The following SPATA7 variants were observed in gnomAD, a reference collection of about 807,000 sequenced individuals.
SPATA7 encodes spermatogenesis-associated protein 7.
SPATA7 carries 43 observed loss-of-function variants against 51.8 expected under a neutral mutation model. That is an observed-to-expected ratio of 0.83 (90% CI 0.65 to 1.07). The LOEUF is 1.07. Among genes scored for constraint, SPATA7 ranks in the 50% least tolerant of loss-of-function variants. The pLI is 0.00. For synonymous variants in SPATA7, 230 were observed against 252.8 expected (o/e 0.91, Z 0.86); for missense variants, 683 against 701.3 (o/e 0.97, Z 0.30).
At chr14:88,444,106 TAA>T (rs1240403994) in intron 3 of SPATA7, among the ~76,000 whole-genome samples, 2 of 151,974 alleles carry the variant, frequency 1.3e-5, no homozygotes, top group Non-Finnish European at 2.9e-5. Flanking sequence ...ACCAACAGTG[TAA>T]AAGTGTTCCT....
Position 88,393,485 on chromosome 14 carries a change from A to G in SPATA7, c.187A>G (p.Lys63Glu), listed in dbSNP as rs2075798061. 1.5e-5 allele frequency: 24 copies of G among 1,593,322 alleles called. No homozygotes were observed. The highest frequency in any genetic ancestry group is 2.0e-5 in the Non-Finnish European group (23 of 1,167,386). The part of the protein sequence containing the change: ...AVHYNKILSA[K>E]AAVDCSVPVS... Reference sequence around the variant, plus strand: ...TCACTATAATAAAATCCTTTCAGCCAAAGGTAAAAATGTGCAAATGTGAAC... The same window carrying G: ...TCACTATAATAAAATCCTTTCAGCCGAAGGTAAAAATGTGCAAATGTGAAC... The change falls in exon 3 of 12, where the codon AAA (lysine) becomes GAA (glutamate). Residue 63 changes from lysine (K) to glutamate (E), a missense_variant. By Grantham distance (56) the Lys-to-Glu change is moderately conservative (BLOSUM62 1). Transcript: ENST00000393545.
At chr14:88,457,094 T>C (rs988556609), downstream of SPATA7, among the ~76,000 whole-genome samples, 1 of 152,226 alleles carries the variant, frequency 6.6e-6, no homozygotes, top group African/African-American at 2.4e-5. Flanking sequence ...ATCTCTGTTT[T>C]GGTACCAGTA....
chr14:88,397,200 T>C (rs2075908538), intron 4 of SPATA7, among the ~76,000 whole-genome samples: 1 of 152,182 alleles, frequency 6.6e-6, no homozygotes, highest in Non-Finnish European at 1.5e-5. Context: ...ACCATATTGC[T>C]TTCTATAGCA....
At chr14:88,468,950 G>A (rs146364247) in intron 4 of SPATA7, 68 of 1,614,138 alleles carry the variant, frequency 4.2e-5, no homozygotes, top group East Asian at 6.7e-5. Flanking sequence ...CATGATCTCC[G>A]ACAAAATCAC....
At chr14:88,414,360 T>C (rs2076419289) in intron 4 of SPATA7, among the ~76,000 whole-genome samples, 1 of 152,156 alleles carries the variant, frequency 6.6e-6, no homozygotes, top group Non-Finnish European at 1.5e-5. Flanking sequence ...GTCTTCTTAA[T>C]AGTCTCTAAG....
intron 1 of SPATA7, among the ~76,000 whole-genome samples, chr14:88,390,630 C>G (rs1209835955): frequency 3.3e-5 from 5 of 152,098 alleles, no homozygotes; most frequent in African/African-American, 1.2e-4. Context: ...GGGGTCAGCT[C>G]TATTTGAACC....
Position 88,385,773 on chromosome 14 carries a change from G to C in SPATA7, c.-46G>C, listed in dbSNP as rs1436784396. Reference sequence around the variant, plus strand: ...GCTGGGCCCGGCCGCGGGAAGGACCGAAGGGGATACAGCGTGTCCCTGCGG... The same window carrying C: ...GCTGGGCCCGGCCGCGGGAAGGACCCAAGGGGATACAGCGTGTCCCTGCGG... On this transcript the variant is annotated 5_prime_UTR_variant, in exon 1 of 12. Coordinates refer to ENST00000393545, the MANE Select transcript of SPATA7 (RefSeq NM_018418.5). The C allele has an allele frequency of 6.3e-7, 1 of 1,575,950 alleles. No individual in the cohort carries two copies. Among genetic ancestry groups the C allele is most frequent in the African/African-American group, 1.3e-5 (1 of 74,512 alleles).
At chr14:88,452,662 G>A (rs953545170) in intron 3 of SPATA7, among the ~76,000 whole-genome samples, 8 of 152,148 alleles carry the variant, frequency 5.3e-5, no homozygotes, top group Non-Finnish European at 8.8e-5. Context: ...GTCCATCTGA[G>A]TGGGAACTGC....
At chr14:88,394,037 T>C (rs1432869953) in intron 3 of SPATA7, among the ~76,000 whole-genome samples, 2 of 152,174 alleles carry the variant, frequency 1.3e-5, no homozygotes, top group African/African-American at 4.8e-5. Context: ...GAACTAAGAA[T>C]GGTGTTCATA....
At chr14:88,437,668 T>G (rs1018487974) in intron 11 of SPATA7, 71 bp downstream of exon 11, 2 of 1,405,774 alleles carry the variant, frequency 1.4e-6, no homozygotes, top group African/African-American at 2.9e-5. Flanking sequence ...TTTTCATACC[T>G]TCAAACAATA....
intron 4 of SPATA7, 32 bp from the exon 5 acceptor site, chr14:88,416,679 C>G (rs771425592): frequency 1.2e-6 from 2 of 1,609,472 alleles, no homozygotes; most frequent in African/African-American, 1.3e-5. Context: ...CTATTTTGTT[C>G]CATATTTTGA....
At chr14:88,463,058 C>T (rs922981414) in intron 4 of SPATA7, among the ~76,000 whole-genome samples, 1 of 152,102 alleles carries the variant, frequency 6.6e-6, no homozygotes, top group African/African-American at 2.4e-5. Context: ...GATGTGCAGA[C>T]AGACCTTAAT....
intron 5 of SPATA7, among the ~76,000 whole-genome samples, chr14:88,421,859 G>C (rs2401752): frequency 0.035 from 5,339 of 151,444 alleles, 304 homozygotes; most frequent in African/African-American, 0.12. Flanking sequence ...TGAGGCAGAA[G>C]AATCGCTTGA....
chr14:88,415,814 C>T (rs1041053043), intron 4 of SPATA7: 1 of 152,140 alleles, frequency 6.6e-6, no homozygotes, highest in African/African-American at 2.4e-5. Context: ...TTTGTCCCCA[C>T]CCAAATGTCA....
chr14:88,439,092 T>C (rs908699005), downstream of SPATA7, among the ~76,000 whole-genome samples: 3 of 152,230 alleles, frequency 2.0e-5, no homozygotes, highest in African/African-American at 7.2e-5. Flanking sequence ...ATATTTTACC[T>C]ATATTTTCAG....
chr14:88,468,105 A>C (rs1212360597), intron 4 of SPATA7: 1 of 1,612,050 alleles, frequency 6.2e-7, no homozygotes, highest in Non-Finnish European at 8.5e-7. Flanking sequence ...TAAACGCTTC[A>C]CATGACTGGC....
intron 7 of SPATA7, chr14:88,429,082 T>C (rs2076870589): frequency 8.3e-6 from 2 of 241,610 alleles, no homozygotes; most frequent in Non-Finnish European, 1.6e-5. Flanking sequence ...TGCTTCATTT[T>C]TCCCTTTATA....
intron 10 of SPATA7, among the ~76,000 whole-genome samples, chr14:88,436,526 A>G (rs761414023): frequency 1.3e-5 from 2 of 152,216 alleles, no homozygotes; most frequent in East Asian, 1.9e-4. Context: ...TTTTCCCTCA[A>G]TGTTTTCATT....
intron 5 of SPATA7, among the ~76,000 whole-genome samples, chr14:88,424,059 C>A (rs916471317): frequency 6.6e-6 from 1 of 152,184 alleles, no homozygotes; most frequent in Non-Finnish European, 1.5e-5. Context: ...CAACAAACCT[C>A]GTAAACTAAG....
Sources: gnomAD v4.1 joint callset for allele counts (sites outside exome capture counted in the v4.1 genomes callset) on GRCh38, gnomAD v4.1.1 for gene constraint, MANE v1.5 for transcripts, NCBI Gene and HGNC (gene_info 2026-07-23, HGNC 2026-07-21) for gene names.